Variants in ZEB1 observed in about 807,000 individuals in gnomAD.
ZEB1 encodes the protein zinc finger E-box binding homeobox 1.
ZEB1 carries 21 observed loss-of-function variants against 84.9 expected under a neutral mutation model. The observed-to-expected ratio is 0.25, with a 90% CI of 0.18 to 0.36. The LOEUF (loss-of-function observed/expected upper bound fraction) is 0.36, where lower values mean the gene tolerates loss of function less well. Ranked by LOEUF, ZEB1 falls within the 10% of genes least tolerant of loss-of-function variation. The pLI is 1.00. For missense variants in ZEB1, 1,104 were observed against 1,330.2 expected, an observed-to-expected ratio of 0.83 and a Z score of 2.65; for synonymous variants, 420 against 471.1, an observed-to-expected ratio of 0.89 and a Z score of 1.41.
Position 31,433,055 on chromosome 10 carries a change from G to A in ZEB1, c.59-27982G>A, listed in dbSNP as rs1463694464. ...GATTACCAAAACTCACCAAGTAGCA[G>A]TTTCTTAAAGTTTAGTTGTGATGTA... On this transcript the variant is annotated intron_variant, in intron 1 of 8. Coordinates refer to ENST00000424869, the MANE Select transcript of ZEB1 (RefSeq NM_001174096.2). Among the ~76,000 whole-genome samples the A allele has an allele frequency of 3.3e-5, 5 of 152,134 alleles. No individual in the cohort carries two copies. In the East Asian group the frequency reaches 9.6e-4, roughly 29 times the overall value.
At chr10:31,441,401 T>G (rs1448201873) in intron 1 of ZEB1, among the ~76,000 whole-genome samples, 1 of 152,164 alleles carries the variant, frequency 6.6e-6, no homozygotes, top group African/African-American at 2.4e-5. Flanking sequence ...GATACAAAAA[T>G]TAATTCAAGA....
At chr10:31,346,728 G>A (rs2040384389) in intron 1 of ZEB1, among the ~76,000 whole-genome samples, 1 of 152,006 alleles carries the variant, frequency 6.6e-6, no homozygotes, top group South Asian at 2.1e-4. Context: ...CCTTTAGTCT[G>A]GTTGTTCTTA....
chr10:31,436,310 A>C (rs2058296114), intron 1 of ZEB1, among the ~76,000 whole-genome samples: 2 of 152,222 alleles, frequency 1.3e-5, no homozygotes, highest in South Asian at 4.1e-4. Flanking sequence ...TTATCATCTT[A>C]GATTCTGAGA....
intron 2 of ZEB1, among the ~76,000 whole-genome samples, chr10:31,479,248 C>A (rs576628219): frequency 3.5e-4 from 53 of 151,948 alleles, no homozygotes; most frequent in Middle Eastern, 3.4e-3. Flanking sequence ...AATCAAAAAT[C>A]TCCCAACAAA....
chr10:31,360,380 A>G (rs984670402), intron 1 of ZEB1, among the ~76,000 whole-genome samples: 2 of 152,238 alleles, frequency 1.3e-5, no homozygotes, highest in African/African-American at 2.4e-5. Context: ...GTAAGGATTA[A>G]ATATAATGGA....
chr10:31,453,792 A>G (rs753142286), intron 1 of ZEB1, among the ~76,000 whole-genome samples: 1 of 152,312 alleles, frequency 6.6e-6, no homozygotes, highest in East Asian at 1.9e-4. Flanking sequence ...AAAAATGTCC[A>G]GGACCAGACG....
chr10:31,375,302 G>T (rs914923332), intron 1 of ZEB1, among the ~76,000 whole-genome samples: 1 of 151,736 alleles, frequency 6.6e-6, no homozygotes, highest in Non-Finnish European at 1.5e-5. Flanking sequence ...GGAGAAAGAT[G>T]TCCTTCCCAT....
chr10:31,427,643 G>A (rs975272429), intron 1 of ZEB1, among the ~76,000 whole-genome samples: 2 of 152,140 alleles, frequency 1.3e-5, no homozygotes, highest in African/African-American at 4.8e-5. Flanking sequence ...CACGAGGTCA[G>A]GAGATCCAGA....
chr10:31,336,000 G>A (rs1372226738), intron 1 of ZEB1, among the ~76,000 whole-genome samples: 1 of 152,110 alleles, frequency 6.6e-6, no homozygotes, highest in Non-Finnish European at 1.5e-5. Flanking sequence ...AACACTGTGA[G>A]TAAATCTAAC....
At chr10:31,378,622 C>T (rs1476007209) in intron 1 of ZEB1, among the ~76,000 whole-genome samples, 2 of 151,436 alleles carry the variant, frequency 1.3e-5, no homozygotes, top group African/African-American at 2.4e-5. Context: ...ATTCAATTAG[C>T]GTAAAGAAAA....
intron 4 of ZEB1, among the ~76,000 whole-genome samples, chr10:31,505,996 AT>A (rs1469724528): frequency 1.1e-4 from 16 of 151,968 alleles, no homozygotes; most frequent in Admixed American, 1.0e-3. Flanking sequence ...GAAATTTTAA[AT>A]TTTCCTCCTT....
intron 1 of ZEB1, among the ~76,000 whole-genome samples, chr10:31,421,607 C>T (rs985493941): frequency 5.3e-5 from 8 of 151,788 alleles, no homozygotes; most frequent in Non-Finnish European, 1.0e-4. Flanking sequence ...CTGTTAAAAC[C>T]CAGCTTAGGA....
chr10:31,400,531 G>A (rs1406522084), intron 1 of ZEB1, among the ~76,000 whole-genome samples: 7 of 151,818 alleles, frequency 4.6e-5, no homozygotes, highest in Admixed American at 4.6e-4. Context: ...AATATTATTT[G>A]AACTTAAATA....
At chr10:31,471,899 TA>T (rs1199922448) in intron 2 of ZEB1, among the ~76,000 whole-genome samples, 1 of 143,466 alleles carries the variant, frequency 7.0e-6, no homozygotes, top group East Asian at 2.0e-4. Context: ...AACTCAGGAT[TA>T]AGAATCTCAC....
intron 7 of ZEB1, among the ~76,000 whole-genome samples, chr10:31,523,337 C>A (rs930508286): frequency 6.6e-6 from 1 of 152,144 alleles, no homozygotes; most frequent in Admixed American, 6.5e-5. Flanking sequence ...AAAAGATAGA[C>A]CCTCCTGCAT....
intron 1 of ZEB1, among the ~76,000 whole-genome samples, chr10:31,429,586 C>T (rs2136217949): frequency 6.6e-6 from 1 of 151,460 alleles, no homozygotes; most frequent in South Asian, 2.1e-4. Flanking sequence ...GGTACTGGGC[C>T]TAATACCTGT....
intron 2 of ZEB1, among the ~76,000 whole-genome samples, chr10:31,494,985 G>A (rs1266170680): frequency 6.6e-6 from 1 of 151,942 alleles, no homozygotes; most frequent in Admixed American, 6.6e-5. Flanking sequence ...GAAAGAAAAA[G>A]CATAATGCCT....
intron 2 of ZEB1, among the ~76,000 whole-genome samples, chr10:31,467,359 G>A (rs1003517877): frequency 6.6e-6 from 1 of 151,966 alleles, no homozygotes; most frequent in Non-Finnish European, 1.5e-5. Flanking sequence ...GCATCCGAGC[G>A]GCTACATCTG....
chr10:31,331,832 A>G (rs1371795087), intron 1 of ZEB1, among the ~76,000 whole-genome samples: 1 of 152,194 alleles, frequency 6.6e-6, no homozygotes, highest in African/African-American at 2.4e-5. Context: ...AAGAATGGCT[A>G]GAGATGAGGC....
Sources: gnomAD v4.1 joint callset for allele counts (sites outside exome capture counted in the v4.1 genomes callset) on GRCh38, gnomAD v4.1.1 for gene constraint, MANE v1.5 for transcripts, NCBI Gene and HGNC (gene_info 2026-07-23, HGNC 2026-07-21) for gene names.